The following SMYD3 variants were observed in gnomAD, a reference collection of about 807,000 sequenced individuals.
SMYD3 encodes SET and MYND domain containing 3.
In SMYD3, 36 loss-of-function variants were observed where a neutral mutation model predicts 57.7. That is an observed-to-expected ratio of 0.62 (90% confidence interval 0.48 to 0.82). The LOEUF (loss-of-function observed/expected upper bound fraction) is 0.82. Ranked by LOEUF, SMYD3 falls within the 40% of genes least tolerant of loss-of-function variation. The pLI, the probability that SMYD3 is intolerant of heterozygous loss-of-function variation, is 0.00. For synonymous variants in SMYD3, 211 were observed against 195.0 expected, an observed-to-expected ratio of 1.08 and a Z score of -0.68; for missense variants, 515 against 538.8, an observed-to-expected ratio of 0.96 and a Z score of 0.44.
intron 5 of SMYD3, among the ~76,000 whole-genome samples, chr1:246,288,637 C>T (rs1374647820): frequency 2.0e-5 from 3 of 151,918 alleles, no homozygotes; most frequent in Admixed American, 2.0e-4. Context: ...CATGGAAGGA[C>T]AAGGAGGGGA....
chr1:246,124,268 T>C (rs564545524), intron 5 of SMYD3, among the ~76,000 whole-genome samples: 11 of 152,324 alleles, frequency 7.2e-5, no homozygotes, highest in Admixed American at 6.5e-4. Context: ...ACCTCTCTAG[T>C]TTGTTTCCCA....
intron 5 of SMYD3, among the ~76,000 whole-genome samples, chr1:246,247,434 G>A (rs1353055143): frequency 1.3e-5 from 2 of 149,224 alleles, no homozygotes; most frequent in African/African-American, 2.5e-5. Flanking sequence ...GTTTAAGAAA[G>A]AGAAGGATAA....
At chr1:245,810,132 G>C (rs888904611) in intron 10 of SMYD3, among the ~76,000 whole-genome samples, 13 of 152,304 alleles carry the variant, frequency 8.5e-5, no homozygotes, top group Admixed American at 1.3e-4. Context: ...TCTTTCCGCA[G>C]TACTCTGGGA....
At chr1:245,762,358 C>T (rs890172059) in intron 11 of SMYD3, among the ~76,000 whole-genome samples, 4 of 152,170 alleles carry the variant, frequency 2.6e-5, no homozygotes, top group African/African-American at 9.7e-5. Flanking sequence ...CTAGTCTGAT[C>T]ACTTACGAAC....
chr1:245,919,396 C>T (rs935959837), intron 7 of SMYD3, among the ~76,000 whole-genome samples: 1 of 152,180 alleles, frequency 6.6e-6, no homozygotes, highest in Non-Finnish European at 1.5e-5. Flanking sequence ...CTGGGCATCA[C>T]TGGCTAAGCG....
intron 5 of SMYD3, among the ~76,000 whole-genome samples, chr1:246,096,744 T>G (rs1174242527): frequency 6.6e-6 from 1 of 152,212 alleles, no homozygotes; most frequent in Non-Finnish European, 1.5e-5. Flanking sequence ...TTCTTGCAAA[T>G]GGTTATGATT....
intron 1 of SMYD3, among the ~76,000 whole-genome samples, chr1:246,500,408 C>T (rs2068439130): frequency 6.6e-6 from 1 of 152,174 alleles, no homozygotes; most frequent in South Asian, 2.1e-4. Flanking sequence ...GGGAATATCA[C>T]AGCTCTATCA....
intron 5 of SMYD3, chr1:246,326,045 T>C (rs1260205496): frequency 4.8e-6 from 1 of 207,132 alleles, no homozygotes; most frequent in Non-Finnish European, 9.5e-6. Context: ...AATCAGAAAA[T>C]CATAAAAATG....
intron 7 of SMYD3, among the ~76,000 whole-genome samples, chr1:245,925,401 T>C (rs919626794): frequency 1.4e-4 from 21 of 152,180 alleles, no homozygotes; most frequent in African/African-American, 5.1e-4. Context: ...GTACAATAAA[T>C]AGGAATTACC....
chr1:246,088,439 C>T (rs530395839), intron 5 of SMYD3, among the ~76,000 whole-genome samples: 4 of 147,710 alleles, frequency 2.7e-5, no homozygotes, highest in Non-Finnish European at 5.9e-5. Context: ...GAAACCCCGT[C>T]TCTACTAAAA....
At chr1:246,486,678 G>C (rs747772164) in intron 1 of SMYD3, among the ~76,000 whole-genome samples, 2 of 152,022 alleles carry the variant, frequency 1.3e-5, no homozygotes, top group Non-Finnish European at 2.9e-5. Context: ...TGGAAGCAGC[G>C]CTCAAACCTA....
At chr1:246,222,744 A>C (rs972902749) in intron 5 of SMYD3, among the ~76,000 whole-genome samples, 1 of 152,164 alleles carries the variant, frequency 6.6e-6, no homozygotes. Context: ...GAAGGATGCA[A>C]AGAACTCAAT....
At chr1:246,049,373 T>G (rs928424932) in intron 5 of SMYD3, among the ~76,000 whole-genome samples, 87 of 152,148 alleles carry the variant, frequency 5.7e-4, no homozygotes, top group African/African-American at 2.0e-3. Context: ...CTCAGCTCAC[T>G]GCAAGCTCTG....
At chr1:245,869,857 T>A (rs1290927379) in intron 8 of SMYD3, among the ~76,000 whole-genome samples, 5 of 152,228 alleles carry the variant, frequency 3.3e-5, no homozygotes, top group African/African-American at 1.2e-4. Context: ...TTTGGCTTTC[T>A]TCCCGTTTGT....
rs376253441 is a variant in SMYD3, at chr1:245,920,182, G to A, written c.703-4542C>T. On this transcript the variant is annotated intron_variant, in intron 7 of 11. Transcript: ENST00000490107. ...CAAAAAATTAGCCAGGCGTGGTGGCGGGCGCCTGTAGTCCCAGCTACTCGG... is the reference window on the plus strand; with the variant it reads ...CAAAAAATTAGCCAGGCGTGGTGGCAGGCGCCTGTAGTCCCAGCTACTCGG... Among the ~76,000 whole-genome samples, 365 of 152,050 alleles carry A rather than the reference G, an allele frequency of 2.4e-3. 1 individual carries two copies. Among genetic ancestry groups the A allele is most frequent in the African/African-American group, 7.8e-3 (323 of 41,488 alleles).
At chr1:246,387,721 T>C (rs533424567) in intron 1 of SMYD3, among the ~76,000 whole-genome samples, 3 of 152,310 alleles carry the variant, frequency 2.0e-5, no homozygotes, top group South Asian at 4.1e-4. Flanking sequence ...GTTACAGCTA[T>C]GTGGAGAAGT....
At position 246,032,492 on chromosome 1, in the gene SMYD3, C is replaced by T. The variant is rs368830704; in HGVS notation, c.532-102555G>A. On this transcript the variant is annotated intron_variant, in intron 5 of 11. Transcript: ENST00000490107. ...AGAGACAGATGGCAGCCAGACAGAACGGGATGGAGAGCTCATATCCGAGTC... is the reference window on the plus strand; with the variant it reads ...AGAGACAGATGGCAGCCAGACAGAATGGGATGGAGAGCTCATATCCGAGTC... Among the ~76,000 whole-genome samples the T allele has an allele frequency of 2.0e-4, 31 of 152,298 alleles. No homozygotes were observed. In the East Asian group the frequency reaches 4.3e-3, roughly 21 times the overall value.
chr1:246,366,420 A>G (rs1305637679), intron 1 of SMYD3, among the ~76,000 whole-genome samples: 4 of 152,214 alleles, frequency 2.6e-5, no homozygotes, highest in African/African-American at 7.2e-5. Flanking sequence ...AAACTTTGAT[A>G]TGTTACTGCT....
chr1:246,080,565 T>C (rs964619911), intron 5 of SMYD3, among the ~76,000 whole-genome samples: 1 of 152,078 alleles, frequency 6.6e-6, no homozygotes, highest in Non-Finnish European at 1.5e-5. Flanking sequence ...CAACCTTGCT[T>C]GTGTGGGTAA....
Sources: allele counts gnomAD v4.1 joint callset (sites outside exome capture counted in the v4.1 genomes callset), GRCh38; gene constraint gnomAD v4.1.1; transcripts MANE v1.5; gene names NCBI Gene and HGNC (gene_info 2026-07-23, HGNC 2026-07-21).